The following UTP20 variants were observed in gnomAD, a reference collection of about 807,000 sequenced individuals.
UTP20 encodes small subunit processome component 20 homolog.
A neutral mutation model predicts 329.5 loss-of-function variants in UTP20; 164 were observed. The observed-to-expected ratio is 0.50, with a 90% CI of 0.44 to 0.57. UTP20 has a LOEUF of 0.57. Among genes scored for constraint, UTP20 ranks in the 20% least tolerant of loss-of-function variants. The pLI is 0.00. For synonymous variants in UTP20, 1,151 were observed against 1,159.3 expected, an observed-to-expected ratio of 0.99 and a Z score of 0.14; for missense variants, 3,055 against 3,284.2, an observed-to-expected ratio of 0.93 and a Z score of 1.71.
intron 44 of UTP20, 123 bp from the exon 45 acceptor site, chr12:101,363,448 CTAATT>C: frequency 1.3e-6 from 1 of 759,968 alleles, no homozygotes; most frequent in South Asian, 3.1e-5. Flanking sequence ...TTTCTTCCAT[CTAATT>C]TGAGTCCAGT....
chr12:101,372,792 A>G, intron 51 of UTP20, 92 bp from the exon 52 acceptor site: 2 of 1,016,842 alleles, frequency 2.0e-6, no homozygotes, highest in African/African-American at 1.6e-5. Flanking sequence ...TAAAGTTTTT[A>G]TAACCTACCA....
chr12:101,339,223 G>A (rs528596888), intron 31 of UTP20, among the ~76,000 whole-genome samples: 1 of 152,270 alleles, frequency 6.6e-6, no homozygotes, highest in East Asian at 1.9e-4. Flanking sequence ...TGAGGCAGGA[G>A]AATGGCTTGA....
Position 101,281,030 on chromosome 12 carries a change from G to C in UTP20, c.46-86G>C. 3 of 1,109,350 alleles carry C rather than the reference G, an allele frequency of 2.7e-6. No individual in the cohort carries two copies. The South Asian group carries it at 4.7e-5, about 17-fold the overall frequency. 68.7% of individuals were successfully genotyped at this position (1,109,350 alleles called of 1,614,324 possible). A position where few individuals can be genotyped will look rare whatever the true frequency, so the allele number is the denominator to read the frequency against. Reference sequence around the variant, plus strand: ...TTTCCACTTATCCTTTGTGATTAGAGATGCCTACATGCAGCATTCAAATAG... The same window carrying C: ...TTTCCACTTATCCTTTGTGATTAGACATGCCTACATGCAGCATTCAAATAG... On this transcript the variant is annotated intron_variant, in intron 1 of 61. Transcript: ENST00000261637.
intron 43 of UTP20, among the ~76,000 whole-genome samples, chr12:101,359,501 GTA>G (rs113405115): frequency 0.21 from 30,450 of 147,112 alleles, 7,335 homozygotes; most frequent in African/African-American, 0.57. Flanking sequence ...ATGTGTGTGT[GTA>G]TATATATATA....
intron 2 of UTP20, among the ~76,000 whole-genome samples, chr12:101,282,218 T>C (rs1196410342): frequency 6.6e-6 from 1 of 152,194 alleles, no homozygotes; most frequent in African/African-American, 2.4e-5. Flanking sequence ...GGTGAGCACA[T>C]TGTGCTTTGA....
chr12:101,350,186 GCA>G (rs752292949), intron 38 of UTP20, among the ~76,000 whole-genome samples: 1 of 151,920 alleles, frequency 6.6e-6, no homozygotes, highest in East Asian at 1.9e-4. Context: ...TAGAAAACTT[GCA>G]CAGTGTCTCG....
At chr12:101,343,158 C>G in intron 35 of UTP20, 65 bp downstream of exon 35, 1 of 1,165,576 alleles carries the variant, frequency 8.6e-7, no homozygotes. Context: ...CTGCCTAATA[C>G]AGTGACCTGA....
chr12:101,299,916 T>C (rs1379469796), intron 13 of UTP20, 57 bp from the exon 14 acceptor site: 4 of 1,609,462 alleles, frequency 2.5e-6, no homozygotes, highest in Admixed American at 3.4e-5. Context: ...TGCTGTTCTC[T>C]GAAACAAACC....
Position 101,386,418 on chromosome 12 carries a change from G to C in UTP20, c.*295G>C, listed in dbSNP as rs899925184. On this transcript the variant is annotated 3_prime_UTR_variant, in exon 62 of 62. Transcript: ENST00000261637. ...TTTTGTAGAAACAGGATTTCGCCAT[G>C]TTGGCCAGGCTGGTCTCGAACACCT... The C allele has an allele frequency of 2.5e-4, 54 of 215,994 alleles. No individual in the cohort carries two copies. The highest frequency in any genetic ancestry group is 1.6e-3 in the Middle Eastern group (1 of 616). 13.4% of individuals were successfully genotyped at this position (215,994 alleles called of 1,614,324 possible).
At position 101,338,799 on chromosome 12, in the gene UTP20, A is replaced by G; in HGVS notation, c.3869-14A>G. 3 of 1,574,676 alleles carry G rather than the reference A, an allele frequency of 1.9e-6. No individual in the cohort carries two copies. The highest frequency in any genetic ancestry group is 1.2e-5 in the South Asian group (1 of 83,782). ...GAGTTTATTAAAATCAAATCAAATCACTATCTATTTCAGAGTCTATCACAA... is the reference window on the plus strand; with the variant it reads ...GAGTTTATTAAAATCAAATCAAATCGCTATCTATTTCAGAGTCTATCACAA... On this transcript the variant is annotated splice_polypyrimidine_tract_variant and intron_variant, in intron 30 of 61. Coordinates refer to ENST00000261637, the MANE Select transcript of UTP20 (RefSeq NM_014503.3).
intron 45 of UTP20, among the ~76,000 whole-genome samples, chr12:101,364,302 A>G (rs552199286): frequency 6.6e-6 from 1 of 152,344 alleles, no homozygotes; most frequent in African/African-American, 2.4e-5. Context: ...GTAAATATAT[A>G]TTAGAAAGCC....
chr12:101,317,466 T>C lies in UTP20; in HGVS notation c.2553-12T>C, dbSNP rs1593430287. ...TCTTCATCAGTATCCTGTGACTTTC[T>C]TTCCACGGTAGCAATGAGTATTACC... On this transcript the variant is annotated splice_polypyrimidine_tract_variant and intron_variant, in intron 21 of 61. Transcript: ENST00000261637. The C allele has an allele frequency of 1.9e-6, 3 of 1,612,662 alleles. No individual in the cohort carries two copies. Among genetic ancestry groups the C allele is most frequent in the African/African-American group, 1.3e-5 (1 of 74,884 alleles).
In UTP20 at chr12:101,280,197, C is replaced by A. The variant is rs1382200540; in HGVS notation, c.-86C>A. The stretch of plus-strand genomic sequence containing the variant: ...GGCATCTGGGAATCGGAGAGTATAG[C>A]CTGTGAGCCGCTTTCCCCTCCTTAC... On this transcript the variant is annotated 5_prime_UTR_variant, in exon 1 of 62. Transcript: ENST00000261637. The A allele has an allele frequency of 2.0e-6, 3 of 1,507,066 alleles. No homozygotes were observed. The highest frequency in any genetic ancestry group is 2.8e-5 in the African/African-American group (2 of 72,174). 93.4% of individuals were successfully genotyped at this position (1,507,066 alleles called of 1,614,324 possible).
chr12:101,339,470 C>T lies in UTP20; in HGVS notation c.4013+513C>T, dbSNP rs1348585878. Among the ~76,000 whole-genome samples the T allele has an allele frequency of 2.0e-5, 3 of 152,072 alleles. No individual in the cohort carries two copies. In the South Asian group the frequency reaches 6.2e-4, roughly 31 times the overall value. ...TTCCCTTTCTCTGCTGGATTACTTACTAGAAACCGTTCATAGCATCTGCCT... is the reference window on the plus strand; with the variant it reads ...TTCCCTTTCTCTGCTGGATTACTTATTAGAAACCGTTCATAGCATCTGCCT... On this transcript the variant is annotated intron_variant, in intron 31 of 61. Transcript: ENST00000261637.
At chr12:101,286,565 C>A in intron 5 of UTP20, 56 bp downstream of exon 5, 1 of 1,403,482 alleles carries the variant, frequency 7.1e-7, no homozygotes, top group Non-Finnish European at 9.4e-7. Flanking sequence ...TTTTCCCTGG[C>A]TTCTTTATGA....
chr12:101,353,751 G>T (rs939260922), intron 40 of UTP20, among the ~76,000 whole-genome samples: 3 of 152,070 alleles, frequency 2.0e-5, no homozygotes, highest in Non-Finnish European at 4.4e-5. Flanking sequence ...TTATAAATTG[G>T]CAAATGCCTG....
chr12:101,365,137 G>A lies in UTP20; in HGVS notation c.5959-322G>A, dbSNP rs904197674. 5.4e-5 allele frequency among the ~76,000 whole-genome samples: 8 copies of A among 149,148 alleles called. No individual in the cohort carries two copies. The East Asian group carries it at 1.6e-3, about 30-fold the overall frequency. ...TTGCCTCTAAGTCACCCCTGTTAAT[G>A]TACCAGGAGAGTTGATGTTAACTTA... On this transcript the variant is annotated intron_variant, in intron 45 of 61. Coordinates refer to ENST00000261637, the MANE Select transcript of UTP20 (RefSeq NM_014503.3).
chr12:101,370,584 T>G (rs755376614), intron 50 of UTP20, 21 bp downstream of exon 50: 35 of 1,607,970 alleles, frequency 2.2e-5, no homozygotes, highest in Non-Finnish European at 2.9e-5. Context: ...GCCAGAATGT[T>G]GACTGTTACG....
chr12:101,300,501 G>A (rs769001691), intron 14 of UTP20, among the ~76,000 whole-genome samples: 3 of 152,042 alleles, frequency 2.0e-5, no homozygotes, highest in Admixed American at 6.6e-5. Flanking sequence ...CTAGGTCTTT[G>A]TCATTCAGTG....
Sources: allele counts gnomAD v4.1 joint callset (sites outside exome capture counted in the v4.1 genomes callset), GRCh38; gene constraint gnomAD v4.1.1; transcripts MANE v1.5; gene names NCBI Gene and HGNC (gene_info 2026-07-23, HGNC 2026-07-21).